The following NIN variants were observed in gnomAD, a reference collection of about 807,000 sequenced individuals.
NIN encodes the protein glycogen synthase kinase 3 beta-interacting protein.
In NIN, 137 loss-of-function variants were observed where a neutral mutation model predicts 257.6. The ratio of observed to expected loss-of-function variants is 0.53; its 90% CI spans 0.46 to 0.61. The LOEUF is 0.61. NIN is among the 20% of genes least tolerant of loss of function. The pLI, the probability that NIN is intolerant of heterozygous loss-of-function variation, is 0.00. For synonymous variants in NIN, 918 were observed against 919.8 expected, an observed-to-expected ratio of 1.00 and a Z score of 0.04; for missense variants, 2,439 against 2,501.2, an observed-to-expected ratio of 0.98 and a Z score of 0.53.
rs2142216351 is a variant in NIN at position 50,807,823 on chromosome 14, G to A, written c.184-1005C>T. 1.3e-5 allele frequency among the ~76,000 whole-genome samples: 2 copies of A among 152,164 alleles called. 1 individual carries two copies. The highest frequency in any genetic ancestry group is 4.1e-4 in the South Asian group (2 of 4,826). Reference sequence around the variant, plus strand: ...TCTATGCAAATCAAAACAAAAGAGAGGAATTCATTTATATGTCATAAAAGA... The same window carrying A: ...TCTATGCAAATCAAAACAAAAGAGAAGAATTCATTTATATGTCATAAAAGA... On this transcript the variant is annotated intron_variant, in intron 3 of 30. Coordinates refer to ENST00000530997, the MANE Select transcript of NIN (RefSeq NM_020921.4).
intron 5 of NIN, among the ~76,000 whole-genome samples, chr14:50,791,638 G>A (rs1319061131): frequency 6.6e-6 from 1 of 151,936 alleles, no homozygotes; most frequent in Non-Finnish European, 1.5e-5. Flanking sequence ...CAACACTTGG[G>A]CTCAACACTT....
chr14:50,775,767 T>C (rs1332407668), intron 7 of NIN, among the ~76,000 whole-genome samples: 4 of 152,198 alleles, frequency 2.6e-5, no homozygotes, highest in African/African-American at 9.6e-5. Flanking sequence ...GTTTGTGCAA[T>C]ATTTTTTGGC....
intron 20 of NIN, among the ~76,000 whole-genome samples, chr14:50,753,616 T>C (rs2041895247): frequency 6.6e-6 from 1 of 152,214 alleles, no homozygotes; most frequent in Admixed American, 6.5e-5. Context: ...TTAGAATTAT[T>C]TTTTAGAAGT....
In NIN at chr14:50,750,251, A is replaced by T. The variant is rs546783572; in HGVS notation, c.4951-2146T>A. 2.0e-5 allele frequency among the ~76,000 whole-genome samples: 3 copies of T among 152,278 alleles called. No homozygotes were observed. In the South Asian group the frequency reaches 6.2e-4, roughly 32 times the overall value. On this transcript the variant is annotated intron_variant, in intron 21 of 30. Coordinates refer to ENST00000530997, the MANE Select transcript of NIN (RefSeq NM_020921.4). Reference sequence around the variant, plus strand: ...TTCCTTTTATAGGAGAATGGTGCTTAGTAACCAAGATCTGGGCAATCCATG... The same window carrying T: ...TTCCTTTTATAGGAGAATGGTGCTTTGTAACCAAGATCTGGGCAATCCATG...
At chr14:50,761,645 T>C in intron 16 of NIN, 145 bp downstream of exon 16, 1 of 774,414 alleles carries the variant, frequency 1.3e-6, no homozygotes, top group Non-Finnish European at 2.0e-6. Flanking sequence ...GGCCTTGCTG[T>C]CAGCCTACAA....
intron 3 of NIN, among the ~76,000 whole-genome samples, chr14:50,813,841 T>G (rs745569763): frequency 2.6e-5 from 4 of 152,240 alleles, no homozygotes; most frequent in East Asian, 3.8e-4. Flanking sequence ...TTAGTAGATT[T>G]GTCTTTACTA....
chr14:50,791,624 T>C (rs997724413), intron 5 of NIN, among the ~76,000 whole-genome samples: 3 of 152,216 alleles, frequency 2.0e-5, no homozygotes, highest in African/African-American at 4.8e-5. Context: ...TCCGTATTTA[T>C]TGCCAACACT....
chr14:50,780,444 C>T (rs889264227), intron 5 of NIN, among the ~76,000 whole-genome samples: 17 of 152,316 alleles, frequency 1.1e-4, no homozygotes, highest in Middle Eastern at 3.4e-3. Context: ...ACTTGGATTC[C>T]TCATGACAGA....
chr14:50,768,465 G>T (rs780244387), intron 12 of NIN, among the ~76,000 whole-genome samples: 15 of 152,158 alleles, frequency 9.9e-5, no homozygotes, highest in Non-Finnish European at 2.2e-4. Context: ...TGACCCAGTA[G>T]GAAATGTGCT....
rs139686467 is a variant in NIN at position 50,818,061 on chromosome 14, C to A, written c.183+3813G>T. 5.4e-3 allele frequency among the ~76,000 whole-genome samples: 822 copies of A among 151,464 alleles called. 6 individuals carry two copies. Among genetic ancestry groups the A allele is most frequent in the African/African-American group, 0.019 (766 of 41,398 alleles). ...GGATATGGCCGGGCACGATGGCTCA[C>A]GCCTGTAACCCCAGCACTTTGGGAG... On this transcript the variant is annotated intron_variant, in intron 3 of 30. Coordinates refer to ENST00000530997, the MANE Select transcript of NIN (RefSeq NM_020921.4).
At chr14:50,827,769 A>AAAG (rs1045493852) in intron 2 of NIN, among the ~76,000 whole-genome samples, 2 of 151,202 alleles carry the variant, frequency 1.3e-5, no homozygotes, top group African/African-American at 4.9e-5. Flanking sequence ...AAAAAAAAAA[A>AAAG]AAAAGAAAGA....
chr14:50,755,684 A>T, intron 18 of NIN, among the ~76,000 whole-genome samples: 1 of 118,316 alleles, frequency 8.5e-6, no homozygotes, highest in Admixed American at 1.0e-4. Flanking sequence ...TTTTTAAAAG[A>T]GACAGGGTCT....
At chr14:50,743,104 A>C (rs1450605069) in intron 24 of NIN, among the ~76,000 whole-genome samples, 1 of 151,130 alleles carries the variant, frequency 6.6e-6, no homozygotes, top group Non-Finnish European at 1.5e-5. Context: ...GCTGGGACTT[A>C]ACAGGCACCT....
chr14:50,752,553 T>C lies in NIN; in HGVS notation c.4915A>G (p.Asn1639Asp). The C allele has an allele frequency of 6.2e-7, 1 of 1,614,140 alleles. No homozygotes were observed. The highest frequency in any genetic ancestry group is 8.5e-7 in the Non-Finnish European group (1 of 1,179,982). ...ALEEREQEKF[N>D]LKEELERCKV... Reference sequence around the variant, plus strand: ...CAACGTTCCAGTTCTTCTTTCAGATTAAACTTCTCTTGTTCCCGTTCCTCC... The same window carrying C: ...CAACGTTCCAGTTCTTCTTTCAGATCAAACTTCTCTTGTTCCCGTTCCTCC... The change falls in exon 21 of 31, where the codon AAT (asparagine) becomes GAT (aspartate). Residue 1639 changes from asparagine (N) to aspartate (D), a missense_variant. Around this residue, in one of 3 missense-constraint regions of NIN, gnomAD observed 2,043 missense variants for 2,050.2 expected, o/e 1.00. Coordinates refer to ENST00000530997, the MANE Select transcript of NIN (RefSeq NM_020921.4).
chr14:50,739,582 C>T (rs2041172944), intron 25 of NIN, 95 bp from the exon 26 acceptor site: 2 of 1,079,830 alleles, frequency 1.9e-6, no homozygotes, highest in East Asian at 2.4e-5. Flanking sequence ...ACAACGACTC[C>T]TAATAAGTAC....
chr14:50,806,116 A>G (rs2044315563), intron 4 of NIN: 1 of 152,262 alleles, frequency 6.6e-6, no homozygotes, highest in African/African-American at 2.4e-5. Flanking sequence ...TACATGAAAT[A>G]ACAATGTGTC....
chr14:50,783,186 C>A (rs2043204779), intron 5 of NIN, among the ~76,000 whole-genome samples: 1 of 151,856 alleles, frequency 6.6e-6, no homozygotes, highest in Non-Finnish European at 1.5e-5. Flanking sequence ...GCTGACCCAC[C>A]TACAGATGCC....
chr14:50,792,590 G>T, intron 5 of NIN, 122 bp downstream of exon 5: 3 of 960,668 alleles, frequency 3.1e-6, no homozygotes, highest in Non-Finnish European at 4.8e-6. Flanking sequence ...TTAGCAAGGA[G>T]TTGGTAACTG....
chr14:50,806,798 T>C lies in NIN; in HGVS notation c.204A>G (p.Lys68=), dbSNP rs1365474299. 1 of 1,550,626 alleles carries C rather than the reference T, an allele frequency of 6.4e-7. No individual in the cohort carries two copies. The highest frequency in any genetic ancestry group is 2.3e-5 in the East Asian group (1 of 44,188). Residue 68 remains lysine (K), a synonymous_variant, in exon 4 of 31, where the codon AAA becomes AAG. Coordinates refer to ENST00000530997, the MANE Select transcript of NIN (RefSeq NM_020921.4). ...TGGACAAGATGAGTATTAATGCTTC[T>C]TTAAATTGGTCAAAATGTACCTAAA... ...LLGRVHFDQF[K]EALILILSRT... is the part of the protein sequence containing the mutation.
Sources: allele counts gnomAD v4.1 joint callset (sites outside exome capture counted in the v4.1 genomes callset), GRCh38; gene constraint gnomAD v4.1.1; regional missense constraint gnomAD v4.1.1; transcripts MANE v1.5; gene names NCBI Gene and HGNC (gene_info 2026-07-23, HGNC 2026-07-21).